The following DBH variants were observed in gnomAD, a reference collection of about 807,000 sequenced individuals.
DBH encodes dopamine beta-hydroxylase, also known as dopamine beta-hydroxylase (dopamine beta-monooxygenase).
In DBH, 49 loss-of-function variants were observed where a neutral mutation model predicts 64.0. The ratio of observed to expected loss-of-function variants is 0.77; its 90% CI spans 0.61 to 0.97. The LOEUF (loss-of-function observed/expected upper bound fraction) is 0.97. Among genes scored for constraint, DBH ranks in the 50% least tolerant of loss-of-function variants. The pLI is 0.00. For missense variants in DBH, 828 were observed against 826.6 expected (o/e 1.00, Z -0.02); for synonymous variants, 343 against 347.1 (o/e 0.99, Z 0.13).
At chr9:133,644,106 C>T (rs1200609990) in intron 4 of DBH, 112 bp from the exon 5 acceptor site, 16 of 817,160 alleles carry the variant, frequency 2.0e-5, no homozygotes, top group Non-Finnish European at 3.5e-5. Flanking sequence ...CCTGCTGCGC[C>T]CCCTCCACCA....
intron 3 of DBH, among the ~76,000 whole-genome samples, chr9:133,642,884 C>A (rs1832133646): frequency 6.6e-6 from 1 of 152,204 alleles, no homozygotes; most frequent in Non-Finnish European, 1.5e-5. Flanking sequence ...TGCCACTAGT[C>A]CCGGGGGAGG....
chr9:133,657,283 G>T, intron 11 of DBH, 54 bp downstream of exon 11: 1 of 1,607,132 alleles, frequency 6.2e-7, no homozygotes, highest in Non-Finnish European at 8.5e-7. Flanking sequence ...CTCATGGGGG[G>T]CCCCAGTGAG....
At chr9:133,637,339 G>A (rs1832065416) in intron 1 of DBH, among the ~76,000 whole-genome samples, 1 of 152,218 alleles carries the variant, frequency 6.6e-6, no homozygotes, top group Non-Finnish European at 1.5e-5. Flanking sequence ...TTCACAGGGT[G>A]GAGAAAGGGG....
chr9:133,657,430 AGAGGAGAGAGAG>A (rs1832341721), intron 11 of DBH: 1 of 444,520 alleles, frequency 2.2e-6, no homozygotes, highest in Non-Finnish European at 4.1e-6. Flanking sequence ...GAGAGGAGAG[AGAGGAGAGAGAG>A]GAGAGAGAGG....
chr9:133,647,349 GC>G (rs1832193870), intron 5 of DBH, among the ~76,000 whole-genome samples: 1 of 152,218 alleles, frequency 6.6e-6, no homozygotes, highest in Non-Finnish European at 1.5e-5. Context: ...GGAGTTCCAT[GC>G]CCTCTTCTTT....
At position 133,650,050 on chromosome 9, in the gene DBH, A is replaced by T. The variant is rs545658972; in HGVS notation, c.1192-1584A>T. On this transcript the variant is annotated intron_variant, in intron 6 of 11. Transcript: ENST00000393056. ...TGCTGCTTTGGACCAGAGTGCCCAG[A>T]AGAGCATAGTCCTCCCTCCACCTGG... Among the ~76,000 whole-genome samples the T allele has an allele frequency of 3.3e-5, 5 of 152,340 alleles. No individual in the cohort carries two copies. In the East Asian group the frequency reaches 9.7e-4, roughly 29 times the overall value.
Position 133,638,825 on chromosome 9 carries a change from C to T in DBH, c.340-1021C>T, listed in dbSNP as rs958819988. Among the ~76,000 whole-genome samples the T allele has an allele frequency of 2.0e-5, 3 of 152,124 alleles. No homozygotes were observed. In the South Asian group the frequency reaches 6.2e-4, roughly 32 times the overall value. ...GGCCCTTCTTGAGTACGAAGGGCAG[C>T]CTGCTTGTTGGGGAAGGCTCCTCGC... is the stretch of plus-strand genomic sequence containing the variant. On this transcript the variant is annotated intron_variant, in intron 1 of 11. Coordinates refer to ENST00000393056, the MANE Select transcript of DBH (RefSeq NM_000787.4).
At chr9:133,642,868 C>T (rs2131285236) in intron 3 of DBH, among the ~76,000 whole-genome samples, 1 of 152,318 alleles carries the variant, frequency 6.6e-6, no homozygotes, top group Admixed American at 6.5e-5. Context: ...TGTCGAGTGT[C>T]CACTATGCCA....
At chr9:133,644,807 T>TA (rs1832162364) in intron 5 of DBH, among the ~76,000 whole-genome samples, 1 of 152,136 alleles carries the variant, frequency 6.6e-6, no homozygotes, top group African/African-American at 2.4e-5. Context: ...GGATCACCCA[T>TA]ACCTGAGGGT....
intron 1 of DBH, among the ~76,000 whole-genome samples, chr9:133,639,156 G>A (rs979106291): frequency 1.3e-5 from 2 of 151,586 alleles, no homozygotes; most frequent in African/African-American, 2.4e-5. Context: ...ACTTTGGGAG[G>A]GCAAGGCAGG....
chr9:133,651,812 ACACCCT>A, intron 7 of DBH, 35 bp downstream of exon 7: 14 of 933,778 alleles, frequency 1.5e-5, no homozygotes, highest in East Asian at 1.8e-4. Flanking sequence ...CCCCGCCCCC[ACACCCT>A]GCCACCACAC....
chr9:133,652,135 T>C (rs1588352634), intron 7 of DBH, 111 bp from the exon 8 acceptor site: 2 of 1,276,294 alleles, frequency 1.6e-6, no homozygotes, highest in Non-Finnish European at 2.3e-6. Context: ...TGGGGCAAAA[T>C]GGACACCCCC....
At chr9:133,639,801 C>A (rs1611118) in intron 1 of DBH, 45 bp from the exon 2 acceptor site, 1 of 1,589,484 alleles carries the variant, frequency 6.3e-7, no homozygotes, top group Non-Finnish European at 8.6e-7. Flanking sequence ...TGGATTGGCC[C>A]GGCTTGGCTC....
chr9:133,650,481 T>TTTCTTTTTTTTTC (rs1398138030), intron 6 of DBH, among the ~76,000 whole-genome samples: 1 of 134,464 alleles, frequency 7.4e-6, no homozygotes, highest in African/African-American at 3.4e-5. Flanking sequence ...TTTCTTTTTC[T>TTTCTTTTTTTTTC]TTTTCTTTCT....
chr9:133,648,709 C>T (rs894493435), intron 6 of DBH, among the ~76,000 whole-genome samples: 13 of 152,200 alleles, frequency 8.5e-5, no homozygotes, highest in Non-Finnish European at 1.6e-4. Context: ...CTTAGACTGG[C>T]GCCAACAGCA....
chr9:133,652,817 G>A (rs1320689052), intron 8 of DBH, 123 bp from the exon 9 acceptor site: 5 of 743,150 alleles, frequency 6.7e-6, no homozygotes, highest in East Asian at 2.6e-5. Flanking sequence ...TGTAGTGGAC[G>A]ACAGGGACTG....
At chr9:133,637,350 A>G (rs545959067) in intron 1 of DBH, among the ~76,000 whole-genome samples, 2 of 152,314 alleles carry the variant, frequency 1.3e-5, no homozygotes, top group South Asian at 4.1e-4. Flanking sequence ...GAGAAAGGGG[A>G]AAAGTTTCCC....
chr9:133,657,404 GAGAGGAGAGAGGA>G (rs1832339166), intron 11 of DBH, 175 bp downstream of exon 11: 7 of 480,632 alleles, frequency 1.5e-5, no homozygotes, highest in South Asian at 5.6e-5. Context: ...CCAGCAGAGA[GAGAGGAGAGAGGA>G]GAGAGAGGAG....
In DBH at chr9:133,642,395, C is replaced by G. The variant is rs184196703; in HGVS notation, c.675C>G (p.Ser225Arg). 20 of 1,614,090 alleles carry G rather than the reference C, an allele frequency of 1.2e-5. No individual in the cohort carries two copies. The highest frequency in any genetic ancestry group is 1.7e-5 in the Non-Finnish European group (20 of 1,179,984). Reference protein sequence around the residue: ...EVQAPNIQIPSQETTYWCYIK... With the variant: ...EVQAPNIQIPRQETTYWCYIK... ...AAGCTCCCAATATCCAGATCCCCAG[C>G]CAGGAGACCACGTACTGGTGCTACA... Residue 225 changes from serine to arginine, a missense_variant, in exon 3 of 12, where the codon AGC (serine) becomes AGG (arginine). Coordinates refer to ENST00000393056, the MANE Select transcript of DBH (RefSeq NM_000787.4).
Sources: allele counts gnomAD v4.1 joint callset (sites outside exome capture counted in the v4.1 genomes callset), GRCh38; gene constraint gnomAD v4.1.1; transcripts MANE v1.5; gene names NCBI Gene and HGNC (gene_info 2026-07-23, HGNC 2026-07-21).